EIPR1: variants seen among roughly 807,000 people sequenced by gnomAD.
EIPR1 encodes the protein EARP complex and GARP complex interacting protein 1.
A neutral mutation model predicts 48.1 loss-of-function variants in EIPR1; 25 were observed. The ratio of observed to expected loss-of-function variants is 0.52; its 90% CI spans 0.38 to 0.73. The LOEUF (loss-of-function observed/expected upper bound fraction) is 0.73. EIPR1 is among the 30% of genes least tolerant of loss of function. The probability of loss-of-function intolerance (pLI) is 0.00; values close to 1 mark genes in which losing one functional copy is unlikely to be tolerated. For synonymous variants in EIPR1, 204 were observed against 201.9 expected (o/e 1.01, Z -0.09); for missense variants, 415 against 506.2 (o/e 0.82, Z 1.73).
chr2:3,189,783 T>G lies in EIPR1; in HGVS notation c.990-275A>C, dbSNP rs1664540338. Among the ~76,000 whole-genome samples, 2 of 152,200 alleles carry G rather than the reference T, an allele frequency of 1.3e-5. No homozygotes were observed. Among genetic ancestry groups the G allele is most frequent in the Non-Finnish European group, 2.9e-5 (2 of 68,028 alleles). ...GACATTGGCACATGGTGTCTTGGTT[T>G]CTTCTGTCCTTGGCCCCCGGGTGCC... On this transcript the variant is annotated intron_variant, in intron 8 of 8. Transcript: ENST00000382125. The surrounding 1 kb of genome is among the most constrained non-coding windows in gnomAD (Gnocchi z 4.6).
At chr2:3,249,737 A>C (rs886077034) in intron 4 of EIPR1, among the ~76,000 whole-genome samples, 7 of 152,208 alleles carry the variant, frequency 4.6e-5, no homozygotes, top group African/African-American at 1.7e-4. Flanking sequence ...CCAAAGGCCC[A>C]GGAGGAAATA....
At chr2:3,306,966 TTTTAA>T (rs1467699162) in intron 3 of EIPR1, among the ~76,000 whole-genome samples, 1 of 152,166 alleles carries the variant, frequency 6.6e-6, no homozygotes, top group East Asian at 1.9e-4. Context: ...TTTATTTTTT[TTTTAA>T]TTTATTTATT....
chr2:3,357,078 AT>A (rs1306500577), intron 1 of EIPR1, among the ~76,000 whole-genome samples: 2 of 152,140 alleles, frequency 1.3e-5, no homozygotes, highest in African/African-American at 4.8e-5. Flanking sequence ...AATCACACTG[AT>A]TGTGGGCCAT....
chr2:3,244,702 C>A (rs1168127349), intron 4 of EIPR1, among the ~76,000 whole-genome samples: 3 of 152,190 alleles, frequency 2.0e-5, no homozygotes, highest in African/African-American at 7.2e-5. Flanking sequence ...TTAGCCAGCG[C>A]CTTGATCGTG....
intron 3 of EIPR1, among the ~76,000 whole-genome samples, chr2:3,304,514 C>T (rs369270705): frequency 2.5e-4 from 2 of 8,082 alleles, no homozygotes; most frequent in African/African-American, 5.4e-4. Flanking sequence ...CAGCCCTCCA[C>T]TCCCGTCCAG....
chr2:3,350,956 A>AC (rs1353233443), intron 2 of EIPR1, among the ~76,000 whole-genome samples: 1 of 151,406 alleles, frequency 6.6e-6, no homozygotes, highest in Non-Finnish European at 1.5e-5. Flanking sequence ...AAAAAAAAAA[A>AC]AAAAAACAAA....
chr2:3,205,872 T>C (rs1158576444), intron 5 of EIPR1, among the ~76,000 whole-genome samples: 1 of 152,248 alleles, frequency 6.6e-6, no homozygotes, highest in Non-Finnish European at 1.5e-5. Flanking sequence ...TTAAAGGAGA[T>C]AATACAGGTC....
intron 2 of EIPR1, among the ~76,000 whole-genome samples, chr2:3,344,147 G>A (rs1354632894): frequency 1.3e-5 from 2 of 152,248 alleles, no homozygotes; most frequent in East Asian, 1.9e-4. Context: ...CTTCCCCAGA[G>A]GCAGGAGATT....
At chr2:3,196,745 T>A in intron 6 of EIPR1, 136 bp downstream of exon 6, 2 of 1,316,002 alleles carry the variant, frequency 1.5e-6, no homozygotes, top group Middle Eastern at 2.6e-4. Flanking sequence ...AGATTTATGA[T>A]TTCCTACAAA....
chr2:3,377,668 T>A lies in EIPR1; in HGVS notation c.22A>T (p.Ile8Phe). 1 of 1,581,958 alleles carries A rather than the reference T, an allele frequency of 6.3e-7. No homozygotes were observed. The highest frequency in any genetic ancestry group is 8.6e-7 in the Non-Finnish European group (1 of 1,163,566). The change falls in exon 1 of 9, where the codon ATC (isoleucine) becomes TTC (phenylalanine). Residue 8 changes from isoleucine (I) to phenylalanine (F), a missense_variant. Transcript: ENST00000382125. MEDDAPV[I>F]YGLEFQARAL... ...CCCACCTGGAACTCCAGCCCGTAGA[T>A]CACTGGTGCATCGTCCTCCATGCTG...
rs201546454 is a variant in EIPR1 at position 3,290,357 on chromosome 2, AAAGG to A, written c.260-32906_260-32903del. The stretch of plus-strand genomic sequence containing the variant: ...CACCTTTTAAATACAAAAGAATACA[AAAGG>A]AAGAGTCCTTTTTAAAGATGTTATT... On this transcript the variant is annotated intron_variant, in intron 3 of 8. Transcript: ENST00000382125. Among the ~76,000 whole-genome samples, 300 of 152,350 alleles carry A rather than the reference AAAGG, an allele frequency of 2.0e-3. 6 individuals are homozygous for A. The East Asian group carries it at 0.053, about 27-fold the overall frequency.
chr2:3,373,840 G>C (rs1351700453), intron 1 of EIPR1, among the ~76,000 whole-genome samples: 2 of 151,758 alleles, frequency 1.3e-5, no homozygotes, highest in African/African-American at 4.8e-5. Flanking sequence ...TCCCCATCAA[G>C]CTACCAATGA....
chr2:3,291,998 G>A (rs1327491701), intron 3 of EIPR1, among the ~76,000 whole-genome samples: 1 of 152,250 alleles, frequency 6.6e-6, no homozygotes, highest in African/African-American at 2.4e-5. Flanking sequence ...CCATGCACAC[G>A]TGCTCGCCAC....
intron 5 of EIPR1, among the ~76,000 whole-genome samples, chr2:3,198,238 G>C (rs1442717945): frequency 6.6e-6 from 1 of 152,202 alleles, no homozygotes; most frequent in East Asian, 1.9e-4. Context: ...GTGTCTCCCA[G>C]CAAGAGGCCT....
At chr2:3,354,154 C>G (rs1670661128) in intron 2 of EIPR1, among the ~76,000 whole-genome samples, 1 of 152,100 alleles carries the variant, frequency 6.6e-6, no homozygotes, top group African/African-American at 2.4e-5. Flanking sequence ...TGGCCTGGGT[C>G]AAGTAGGGAT....
At chr2:3,199,074 C>CT (rs1426984263) in intron 5 of EIPR1, among the ~76,000 whole-genome samples, 1 of 76,656 alleles carries the variant, frequency 1.3e-5, no homozygotes, top group Non-Finnish European at 3.6e-5. Context: ...CCCCCCCCGC[C>CT]CCGGGAATGC....
chr2:3,339,115 T>C (rs992681091), intron 2 of EIPR1, among the ~76,000 whole-genome samples: 1 of 152,240 alleles, frequency 6.6e-6, no homozygotes, highest in African/African-American at 2.4e-5. Context: ...CGATGTAATA[T>C]ATGTTTTAGA....
chr2:3,213,648 G>A (rs533457511), intron 5 of EIPR1, among the ~76,000 whole-genome samples: 5 of 152,148 alleles, frequency 3.3e-5, no homozygotes, highest in African/African-American at 9.7e-5. Flanking sequence ...GCAGCAAAAC[G>A]CAGATGTTTT....
chr2:3,238,069 G>A (rs1294109088), intron 4 of EIPR1, among the ~76,000 whole-genome samples: 1 of 152,098 alleles, frequency 6.6e-6, no homozygotes, highest in Admixed American at 6.5e-5. Flanking sequence ...AACCGTAAAA[G>A]CTTCTTGAAA....
Sources: gnomAD v4.1 joint callset for allele counts (sites outside exome capture counted in the v4.1 genomes callset) on GRCh38, gnomAD v4.1.1 for gene constraint, Gnocchi (gnomAD v3.1) non-coding constraint, MANE v1.5 for transcripts, NCBI Gene and HGNC (gene_info 2026-07-23, HGNC 2026-07-21) for gene names.